The following CNTFR variants were observed in gnomAD, a reference collection of about 807,000 sequenced individuals.
The protein encoded by CNTFR is ciliary neurotrophic factor receptor.
CNTFR carries 12 observed loss-of-function variants against 40.4 expected under a neutral mutation model. The ratio of observed to expected loss-of-function variants is 0.30; its 90% CI spans 0.19 to 0.48. The LOEUF (loss-of-function observed/expected upper bound fraction) is 0.48, where lower values mean the gene tolerates loss of function less well. Among genes scored for constraint, CNTFR ranks in the 20% least tolerant of loss-of-function variants. CNTFR has a pLI of 0.99. For missense variants in CNTFR, 414 were observed against 506.8 expected, an observed-to-expected ratio of 0.82 and a Z score of 1.76; for synonymous variants, 202 against 209.6, an observed-to-expected ratio of 0.96 and a Z score of 0.31.
intron 1 of CNTFR, among the ~76,000 whole-genome samples, chr9:34,587,421 C>A (rs1428886302): frequency 2.6e-5 from 4 of 152,086 alleles, no homozygotes; most frequent in Non-Finnish European, 5.9e-5. Context: ...CAATATGAAT[C>A]TGAGTGAGTC....
intron 4 of CNTFR, among the ~76,000 whole-genome samples, chr9:34,559,246 T>C (rs1450302992): frequency 6.6e-6 from 1 of 152,170 alleles, no homozygotes; most frequent in African/African-American, 2.4e-5. Flanking sequence ...TGCACGTGAC[T>C]GTGAGTGACT....
At chr9:34,556,956 T>C (rs1825859899) in intron 6 of CNTFR, among the ~76,000 whole-genome samples, 1 of 152,038 alleles carries the variant, frequency 6.6e-6, no homozygotes, top group Non-Finnish European at 1.5e-5. Context: ...GCCCAGCTTA[T>C]GTAGAAATAC....
At chr9:34,555,075 G>T (rs1348417273) in intron 7 of CNTFR, among the ~76,000 whole-genome samples, 16 of 152,128 alleles carry the variant, frequency 1.1e-4, no homozygotes, top group Non-Finnish European at 2.2e-4. Flanking sequence ...GTGGTGGGCG[G>T]TGTGCCAGGT....
intron 7 of CNTFR, among the ~76,000 whole-genome samples, chr9:34,555,718 C>T (rs1825805576): frequency 6.6e-6 from 1 of 152,080 alleles, no homozygotes; most frequent in Non-Finnish European, 1.5e-5. Context: ...GGCTTGACCC[C>T]ACTGCCTGAT....
chr9:34,565,181 G>C (rs996337470), intron 3 of CNTFR, among the ~76,000 whole-genome samples: 2 of 152,038 alleles, frequency 1.3e-5, no homozygotes. Flanking sequence ...CAGTCCCTGG[G>C]TTTTTTAAAG....
At chr9:34,584,778 G>T (rs1236592187) in intron 1 of CNTFR, among the ~76,000 whole-genome samples, 1 of 136,406 alleles carries the variant, frequency 7.3e-6, no homozygotes. Context: ...GGAAGGGGCA[G>T]GATGACCTCT....
chr9:34,568,624 C>T (rs547528863), intron 3 of CNTFR, among the ~76,000 whole-genome samples: 29 of 152,308 alleles, frequency 1.9e-4, no homozygotes, highest in African/African-American at 6.3e-4. Flanking sequence ...CAGCCTCCCC[C>T]GTCAACTCCC....
At chr9:34,576,831 C>G (rs1198294015) in intron 2 of CNTFR, among the ~76,000 whole-genome samples, 2 of 152,258 alleles carry the variant, frequency 1.3e-5, no homozygotes, top group Non-Finnish European at 1.5e-5. Context: ...TCGGCAGCAG[C>G]TCTCAGCCTA....
chr9:34,559,862 C>G (rs1447558514), intron 4 of CNTFR, among the ~76,000 whole-genome samples: 1 of 152,184 alleles, frequency 6.6e-6, no homozygotes, highest in Non-Finnish European at 1.5e-5. Flanking sequence ...GCCCCCACCC[C>G]TGGCCAGCCT....
intron 2 of CNTFR, among the ~76,000 whole-genome samples, chr9:34,573,397 T>A (rs1031100525): frequency 2.0e-5 from 3 of 152,320 alleles, no homozygotes; most frequent in Non-Finnish European, 4.4e-5. Context: ...ACTTCAGGGT[T>A]TGGGTTGCTG....
intron 4 of CNTFR, among the ~76,000 whole-genome samples, chr9:34,559,169 A>G (rs1372121838): frequency 6.6e-6 from 1 of 152,078 alleles, no homozygotes; most frequent in Non-Finnish European, 1.5e-5. Flanking sequence ...AGTGAAGGGG[A>G]GTGCATGTCT....
At position 34,552,328 on chromosome 9, in the gene CNTFR, C is replaced by A. The variant is rs755565218; in HGVS notation, c.951G>T (p.Glu317Asp). 9 of 1,536,234 alleles carry A rather than the reference C, an allele frequency of 5.9e-6. No homozygotes were observed. In the South Asian group the frequency reaches 1.1e-4, roughly 18 times the overall value. ...RHLTTEAQAAETTTSTTSSLA... is the reference protein window; with the variant it reads ...RHLTTEAQAADTTTSTTSSLA... ...GGGAGCTGGTGGTGCTGGTCGTGGTCTCTGGGGAACATGGGGGAAACTCAG... is the reference window on the plus strand; with the variant it reads ...GGGAGCTGGTGGTGCTGGTCGTGGTATCTGGGGAACATGGGGGAAACTCAG... The change falls in exon 9 of 10, where the codon GAG becomes GAT. Residue 317 changes from glutamate (E) to aspartate (D), a missense_variant and splice_region_variant. By Grantham distance (45) the Glu-to-Asp change is conservative. Coordinates refer to ENST00000378980, the MANE Select transcript of CNTFR (RefSeq NM_147164.3). This position sits in a 1 kb window ranked among gnomAD's most constrained non-coding sequence, Gnocchi z 5.1.
intron 1 of CNTFR, among the ~76,000 whole-genome samples, chr9:34,587,397 G>A (rs1473636068): frequency 6.6e-6 from 1 of 152,154 alleles, no homozygotes; most frequent in Non-Finnish European, 1.5e-5. Flanking sequence ...GTCTGAGTGT[G>A]AGCTCTGAGA....
At chr9:34,553,148 A>G (rs1162325574) in intron 7 of CNTFR, among the ~76,000 whole-genome samples, 1 of 151,988 alleles carries the variant, frequency 6.6e-6, no homozygotes, top group Non-Finnish European at 1.5e-5. Flanking sequence ...TGTGCCTACA[A>G]CTCTGCTGTT....
intron 4 of CNTFR, among the ~76,000 whole-genome samples, chr9:34,558,567 A>T (rs1825944561): frequency 6.6e-6 from 1 of 152,178 alleles, no homozygotes. Context: ...TGCTACATGC[A>T]TGTCTCTATG....
At chr9:34,560,597 C>T (rs948474150) in intron 4 of CNTFR, among the ~76,000 whole-genome samples, 2 of 152,202 alleles carry the variant, frequency 1.3e-5, no homozygotes, top group Admixed American at 6.5e-5. Context: ...GGAGGGTGCC[C>T]AGAATTCACA....
intron 1 of CNTFR, among the ~76,000 whole-genome samples, chr9:34,586,060 C>T (rs1827530003): frequency 6.6e-6 from 1 of 152,162 alleles, no homozygotes; most frequent in Non-Finnish European, 1.5e-5. Context: ...ACCGCAGGGC[C>T]ATGTCCCTAC....
At chr9:34,560,475 T>C (rs954279892) in intron 4 of CNTFR, among the ~76,000 whole-genome samples, 1 of 152,224 alleles carries the variant, frequency 6.6e-6, no homozygotes, top group Non-Finnish European at 1.5e-5. Flanking sequence ...TTAGAGTGCC[T>C]GTAAGTGTGC....
chr9:34,586,939 G>A (rs937853014), intron 1 of CNTFR, among the ~76,000 whole-genome samples: 4 of 152,226 alleles, frequency 2.6e-5, no homozygotes, highest in African/African-American at 9.7e-5. Flanking sequence ...GGGCATATCT[G>A]ACCATGAGTC....
Sources: allele counts gnomAD v4.1 joint callset (sites outside exome capture counted in the v4.1 genomes callset), GRCh38; gene constraint gnomAD v4.1.1; non-coding constraint Gnocchi (gnomAD v3.1); transcripts MANE v1.5; gene names NCBI Gene and HGNC (gene_info 2026-07-23, HGNC 2026-07-21).